The following ETS1 variants were observed in gnomAD, a reference collection of about 807,000 sequenced individuals.
ETS1 encodes the protein protein C-ets-1.
ETS1 carries 15 observed loss-of-function variants against 58.6 expected under a neutral mutation model. The observed-to-expected ratio is 0.26, with a 90% confidence interval of 0.17 to 0.39. ETS1 has a LOEUF of 0.39. ETS1 is among the 10% of genes least tolerant of loss of function. The pLI, the probability that ETS1 is intolerant of heterozygous loss-of-function variation, is 1.00. For missense variants in ETS1, 417 were observed against 610.5 expected (o/e 0.68, Z 3.34); for synonymous variants, 214 against 218.2 (o/e 0.98, Z 0.17).
Position 128,466,958 on chromosome 11 carries a change from G to A in ETS1, c.1124-3331C>T, listed in dbSNP as rs529386904. 3.3e-5 allele frequency among the ~76,000 whole-genome samples: 5 copies of A among 152,206 alleles called. No homozygotes were observed. The South Asian group carries it at 6.2e-4, about 19-fold the overall frequency. On this transcript the variant is annotated intron_variant, in intron 8 of 9. Coordinates refer to ENST00000392668, the MANE Select transcript of ETS1 (RefSeq NM_001143820.2). The stretch of plus-strand genomic sequence containing the variant: ...ATTCCTGTAGAGAAACCCCACAGGC[G>A]CACTCCAGCCTAACTGGTGCACACA...
intron 3 of ETS1, among the ~76,000 whole-genome samples, chr11:128,519,216 G>A (rs1490669996): frequency 3.3e-5 from 5 of 152,196 alleles, no homozygotes; most frequent in African/African-American, 7.2e-5. Flanking sequence ...TCAAACTCCT[G>A]TGAAGTCTCA....
chr11:128,489,193 G>A (rs900354696), intron 5 of ETS1, 97 bp downstream of exon 5: 4 of 1,004,742 alleles, frequency 4.0e-6, no homozygotes, highest in Non-Finnish European at 6.3e-6. Flanking sequence ...GACACCCACA[G>A]ATAAAGGCAT....
At chr11:128,483,414 T>C (rs1405459361) in intron 7 of ETS1, among the ~76,000 whole-genome samples, 1 of 152,166 alleles carries the variant, frequency 6.6e-6, no homozygotes, top group African/African-American at 2.4e-5. Flanking sequence ...TGTGTAGATG[T>C]ACAGAAAGTC....
chr11:128,513,754 T>A (rs1413549100), intron 3 of ETS1, among the ~76,000 whole-genome samples: 1 of 152,214 alleles, frequency 6.6e-6, no homozygotes, highest in Non-Finnish European at 1.5e-5. Flanking sequence ...TTAAAGGGTA[T>A]TTCAAAATCA....
intron 3 of ETS1, among the ~76,000 whole-genome samples, chr11:128,546,019 C>G (rs559517924): frequency 2.0e-5 from 3 of 152,220 alleles, no homozygotes; most frequent in Non-Finnish European, 2.9e-5. Context: ...AAGGAGCTAG[C>G]CACTTTCATT....
intron 3 of ETS1, among the ~76,000 whole-genome samples, chr11:128,551,408 C>T (rs1272422158): frequency 2.0e-5 from 3 of 152,196 alleles, no homozygotes; most frequent in Admixed American, 6.5e-5. Context: ...ACTATGAACT[C>T]GGAATCTCAG....
At chr11:128,518,596 T>G (rs1051411794) in intron 3 of ETS1, among the ~76,000 whole-genome samples, 3 of 152,214 alleles carry the variant, frequency 2.0e-5, no homozygotes, top group Admixed American at 2.0e-4. Flanking sequence ...GAGATTCAAA[T>G]CCAGACAGGC....
At chr11:128,529,946 T>C (rs1046503896) in intron 3 of ETS1, among the ~76,000 whole-genome samples, 2 of 152,190 alleles carry the variant, frequency 1.3e-5, no homozygotes, top group Non-Finnish European at 1.5e-5. Context: ...TTTTCTGGTA[T>C]GTACTCTCCT....
rs552324230 is a variant in ETS1, at chr11:128,483,646, T to C, written c.862+1177A>G. On this transcript the variant is annotated intron_variant, in intron 7 of 9. Coordinates refer to ENST00000392668, the MANE Select transcript of ETS1 (RefSeq NM_001143820.2). The stretch of plus-strand genomic sequence containing the variant: ...AGGGGTTCTGATTTTGCAGGGACTT[T>C]CCCTCTGCAGGGCTTGTTGGTGATC... 2.0e-5 allele frequency among the ~76,000 whole-genome samples: 3 copies of C among 152,300 alleles called. No homozygotes were observed. In the South Asian group the frequency reaches 6.2e-4, roughly 32 times the overall value.
intron 2 of ETS1, among the ~76,000 whole-genome samples, chr11:128,571,224 C>G (rs377257656): frequency 1.3e-5 from 2 of 151,222 alleles, no homozygotes; most frequent in African/African-American, 4.9e-5. Flanking sequence ...GTCAGGAGAT[C>G]GAGACCACGG....
In ETS1 at chr11:128,484,943, C is replaced by T. The variant is rs1862586535; in HGVS notation, c.742G>A (p.Asp248Asn). The T allele has an allele frequency of 1.9e-6, 3 of 1,614,046 alleles. No homozygotes were observed. The highest frequency in any genetic ancestry group is 2.2e-5 in the South Asian group (2 of 91,064). The part of the protein sequence containing the change: ...EELLSLKYEN[D>N]YPSVILRDPL... ...TCTCGGAGAATGACCGAGGGGTAGT[C>T]ATTCTCATACTTGAGGGAGAGGAGC... is the stretch of plus-strand genomic sequence containing the variant. The change falls in exon 7 of 10, where the codon GAC becomes AAC. Residue 248 changes from aspartate to asparagine, a missense_variant. Asp to Asn is a conservative substitution (Grantham distance 23). This residue lies in a region of ETS1 where 139 missense variants were observed against 152.1 expected (regional missense o/e 0.91). Coordinates refer to ENST00000392668, the MANE Select transcript of ETS1 (RefSeq NM_001143820.2).
intron 8 of ETS1, among the ~76,000 whole-genome samples, chr11:128,472,579 G>A (rs1862215213): frequency 6.6e-6 from 1 of 152,160 alleles, no homozygotes; most frequent in African/African-American, 2.4e-5. Context: ...CTGCTTCAGG[G>A]AACATAATTG....
intron 3 of ETS1, among the ~76,000 whole-genome samples, chr11:128,495,716 A>T (rs1365139005): frequency 6.6e-6 from 1 of 152,128 alleles, no homozygotes; most frequent in Non-Finnish European, 1.5e-5. Flanking sequence ...GATTCTAAAG[A>T]CAAAGAAAAA....
intron 2 of ETS1, among the ~76,000 whole-genome samples, chr11:128,570,696 T>C (rs1864609138): frequency 6.6e-6 from 1 of 152,232 alleles, no homozygotes; most frequent in Admixed American, 6.5e-5. Context: ...TTTTAACAAA[T>C]TTCTACAATA....
chr11:128,536,122 G>A (rs1481139745), intron 3 of ETS1, among the ~76,000 whole-genome samples: 3 of 152,090 alleles, frequency 2.0e-5, no homozygotes, highest in African/African-American at 7.2e-5. Context: ...AGTAATCTAA[G>A]ACCTCTAAAT....
At chr11:128,514,469 G>A (rs1337158428) in intron 3 of ETS1, among the ~76,000 whole-genome samples, 3 of 152,160 alleles carry the variant, frequency 2.0e-5, no homozygotes, top group Middle Eastern at 3.4e-3. Context: ...TTCCCACGCT[G>A]CTCTCTATAT....
chr11:128,483,213 G>A (rs1294906335), intron 7 of ETS1, among the ~76,000 whole-genome samples: 2 of 152,196 alleles, frequency 1.3e-5, no homozygotes, highest in Admixed American at 6.5e-5. Context: ...CCTTGTAAGG[G>A]TCACTTTTGG....
intron 6 of ETS1, among the ~76,000 whole-genome samples, chr11:128,485,418 A>G (rs1421835929): frequency 6.6e-6 from 1 of 152,234 alleles, no homozygotes; most frequent in Admixed American, 6.5e-5. Context: ...TCATTGTGTC[A>G]CTGGAATAAA....
chr11:128,537,001 G>A (rs1259844170), intron 3 of ETS1, among the ~76,000 whole-genome samples: 2 of 152,140 alleles, frequency 1.3e-5, no homozygotes, highest in Non-Finnish European at 2.9e-5. Flanking sequence ...GCACCTCTGA[G>A]AAATGCCTAA....
Sources: gnomAD v4.1 joint callset for allele counts (sites outside exome capture counted in the v4.1 genomes callset) on GRCh38, gnomAD v4.1.1 for gene constraint, gnomAD v4.1.1 regional missense constraint, MANE v1.5 for transcripts, NCBI Gene and HGNC (gene_info 2026-07-23, HGNC 2026-07-21) for gene names.